TTC3: variants seen among roughly 807,000 people sequenced by gnomAD.
The protein encoded by TTC3 is tetratricopeptide repeat domain 3.
Under a neutral mutation model 249.6 loss-of-function variants are expected in TTC3, and 180 were observed. The observed-to-expected ratio is 0.72, with a 90% CI of 0.64 to 0.82. The LOEUF (loss-of-function observed/expected upper bound fraction) is 0.82, where lower values mean the gene tolerates loss of function less well. TTC3 is among the 40% of genes least tolerant of loss of function. The pLI, the probability that TTC3 is intolerant of heterozygous loss-of-function variation, is 0.00. For missense variants in TTC3, 2,061 were observed against 2,398.4 expected, an observed-to-expected ratio of 0.86 and a Z score of 2.94; for synonymous variants, 717 against 805.0, an observed-to-expected ratio of 0.89 and a Z score of 1.85.
exon 46 of TTC3, chr21:37,201,775 TAATAAA>T (rs1242151845): frequency 1.4e-6 from 1 of 711,582 alleles, no homozygotes; most frequent in African/African-American, 1.8e-5. Context: ...CAACAGTGGC[TAATAAA>T]ATGACGGCTA....
chr21:37,156,729 T>C (rs781636211), exon 28 of TTC3: 1 of 1,614,090 alleles, frequency 6.2e-7, no homozygotes, highest in South Asian at 1.1e-5. Flanking sequence ...TATCATGACT[T>C]TCCTCTGGAA....
intron 23 of TTC3, 44 bp downstream of exon 23, chr21:37,148,691 G>T: frequency 7.5e-7 from 1 of 1,335,524 alleles, no homozygotes; most frequent in Non-Finnish European, 1.0e-6. Flanking sequence ...TATACTTATT[G>T]TATGTCAATT....
At chr21:37,135,227 G>T (rs551219649) in intron 17 of TTC3, among the ~76,000 whole-genome samples, 153 bp from the exon 18 acceptor site, 1 of 152,288 alleles carries the variant, frequency 6.6e-6, no homozygotes, top group Admixed American at 6.5e-5. Flanking sequence ...AAAGTGTGGT[G>T]CTGAGAAAGG....
intron 30 of TTC3, among the ~76,000 whole-genome samples, chr21:37,161,357 C>G (rs867587838): frequency 2.6e-5 from 4 of 152,180 alleles, no homozygotes; most frequent in Admixed American, 2.6e-4. Flanking sequence ...CTCACTGCAG[C>G]CTCAAACTCC....
chr21:37,192,077 T>C lies in TTC3; in HGVS notation c.5116-35T>C, dbSNP rs534314035. On this transcript the variant is annotated intron_variant, in intron 40 of 45. Transcript: ENST00000355666. ...GAAGAAACAAAGTATTAATTGACAA[T>C]TGTGGTTTTCCCACACTTTACTTTC... is the stretch of plus-strand genomic sequence containing the variant. The C allele has an allele frequency of 3.1e-6, 4 of 1,280,442 alleles. No individual in the cohort carries two copies. In the East Asian group the frequency reaches 9.3e-5, roughly 30 times the overall value. 79.3% of individuals were successfully genotyped at this position (1,280,442 alleles called of 1,614,324 possible). A position where few individuals can be genotyped will look rare whatever the true frequency, so the allele number is the denominator to read the frequency against.
At chr21:37,124,264 T>C (rs1457063789) in intron 13 of TTC3, among the ~76,000 whole-genome samples, 1 of 151,708 alleles carries the variant, frequency 6.6e-6, no homozygotes, top group Non-Finnish European at 1.5e-5. Flanking sequence ...TACAGGCACA[T>C]GCCACCACAC....
chr21:37,104,555 G>A (rs1375514622), intron 10 of TTC3, among the ~76,000 whole-genome samples: 4 of 139,876 alleles, frequency 2.9e-5, no homozygotes, highest in African/African-American at 5.5e-5. Context: ...GCGCCATTGC[G>A]CTCCAGCCTC....
chr21:37,093,668 G>C (rs1012147841), intron 7 of TTC3, among the ~76,000 whole-genome samples: 4 of 151,824 alleles, frequency 2.6e-5, no homozygotes, highest in Admixed American at 2.0e-4. Context: ...GTAATTATGT[G>C]GCCTATTTGG....
intron 11 of TTC3, among the ~76,000 whole-genome samples, chr21:37,118,965 G>A (rs890148331): frequency 6.6e-6 from 1 of 152,040 alleles, no homozygotes; most frequent in Admixed American, 6.6e-5. Context: ...GAACACATAG[G>A]GGATAGTTAT....
chr21:37,141,291 A>G (rs559102529), intron 20 of TTC3, among the ~76,000 whole-genome samples: 1 of 152,302 alleles, frequency 6.6e-6, no homozygotes, highest in South Asian at 2.1e-4. Flanking sequence ...CCCAATATAG[A>G]GGTAGGTATG....
chr21:37,110,563 G>A (rs2075564547), intron 11 of TTC3, among the ~76,000 whole-genome samples: 1 of 152,214 alleles, frequency 6.6e-6, no homozygotes, highest in Non-Finnish European at 1.5e-5. Context: ...TGTGTGAAAA[G>A]ACCAAATCTA....
chr21:37,143,348 C>G (rs2078669431), intron 20 of TTC3, among the ~76,000 whole-genome samples: 1 of 152,112 alleles, frequency 6.6e-6, no homozygotes, highest in Non-Finnish European at 1.5e-5. Flanking sequence ...ATCTACTCAT[C>G]TGACGAAGGG....
chr21:37,109,473 C>A (rs1019237644), intron 11 of TTC3, among the ~76,000 whole-genome samples: 4 of 152,220 alleles, frequency 2.6e-5, no homozygotes, highest in African/African-American at 9.6e-5. Context: ...GCTAGCACAG[C>A]AGTCTGAGAT....
chr21:37,185,962 A>C (rs1422417435), intron 37 of TTC3, 188 bp downstream of exon 37: 1 of 241,078 alleles, frequency 4.1e-6, no homozygotes, highest in African/African-American at 2.3e-5. Context: ...TGAATATTTA[A>C]ATATTTTTAT....
At chr21:37,157,088 A>C in intron 28 of TTC3, 182 bp downstream of exon 28, 2 of 1,367,234 alleles carry the variant, frequency 1.5e-6, no homozygotes, top group Non-Finnish European at 2.0e-6. Flanking sequence ...AAGCTTTTTT[A>C]CTTTATCAGT....
At chr21:37,087,337 T>C (rs770057844) in exon 2 of TTC3, 1 of 1,614,084 alleles carries the variant, frequency 6.2e-7, no homozygotes, top group Non-Finnish European at 8.5e-7. Flanking sequence ...GATGATTGTG[T>C]CTTTGCTGCT....
At position 37,171,770 on chromosome 21, in the gene TTC3, A is replaced by G. The variant is rs538401638; in HGVS notation, c.4468-825A>G. ...AAGGGCATGTATGGTCAATCTGACC[A>G]TAATTCACAGTTCTCCAACTGATCA... On this transcript the variant is annotated intron_variant, in intron 34 of 45. Transcript: ENST00000355666. Among the ~76,000 whole-genome samples the G allele has an allele frequency of 2.0e-4, 30 of 152,372 alleles. No individual in the cohort carries two copies. In the Middle Eastern group the frequency reaches 0.02, roughly 104 times the overall value.
chr21:37,197,148 T>C (rs1414936165), intron 42 of TTC3, among the ~76,000 whole-genome samples: 1 of 152,188 alleles, frequency 6.6e-6, no homozygotes, highest in African/African-American at 2.4e-5. Flanking sequence ...AAATTGAAAT[T>C]TGTAAACAAT....
chr21:37,130,671 C>G (rs532296519), intron 16 of TTC3, among the ~76,000 whole-genome samples: 2 of 151,914 alleles, frequency 1.3e-5, no homozygotes, highest in Admixed American at 6.6e-5. Flanking sequence ...ACACAGAGCT[C>G]TTCCATTCTT....
Sources: allele counts gnomAD v4.1 joint callset (sites outside exome capture counted in the v4.1 genomes callset), GRCh38; gene constraint gnomAD v4.1.1; transcripts MANE v1.5; gene names NCBI Gene and HGNC (gene_info 2026-07-23, HGNC 2026-07-21).